Variants in RGS22 observed in about 807,000 individuals in gnomAD.
RGS22 encodes the protein regulator of G protein signaling 22, also known as regulator of G-protein signaling 22.
Under a neutral mutation model 172.9 loss-of-function variants are expected in RGS22, and 148 were observed. The ratio of observed to expected loss-of-function variants is 0.86; its 90% CI spans 0.75 to 0.98. The LOEUF (loss-of-function observed/expected upper bound fraction) is 0.98, where lower values mean the gene tolerates loss of function less well. Ranked by LOEUF, RGS22 falls within the 50% of genes least tolerant of loss-of-function variation. The pLI is 0.00. For missense variants in RGS22, 1,347 were observed against 1,440.8 expected (o/e 0.93, Z 1.05); for synonymous variants, 458 against 480.2 (o/e 0.95, Z 0.60).
intron 13 of RGS22, 109 bp downstream of exon 13, chr8:100,039,853 A>G: frequency 1.7e-6 from 1 of 580,130 alleles, no homozygotes; most frequent in Non-Finnish European, 2.7e-6. Flanking sequence ...CTTATCACAG[A>G]TGGGAATTTT....
intron 18 of RGS22, among the ~76,000 whole-genome samples, 197 bp from the exon 19 acceptor site, chr8:99,999,617 G>A (rs1481566036): frequency 6.6e-6 from 1 of 152,114 alleles, no homozygotes; most frequent in Non-Finnish European, 1.5e-5. Flanking sequence ...TTTATGTGCT[G>A]GTTGTTTTAG....
At chr8:99,964,620 T>C (rs190409565) in intron 24 of RGS22, among the ~76,000 whole-genome samples, 2 of 152,288 alleles carry the variant, frequency 1.3e-5, no homozygotes, top group East Asian at 3.9e-4. Context: ...ATTTGCTAGG[T>C]ATCATATGCT....
intron 23 of RGS22, among the ~76,000 whole-genome samples, chr8:99,976,724 T>C (rs1325434788): frequency 6.6e-6 from 1 of 152,072 alleles, no homozygotes; most frequent in Admixed American, 6.5e-5. Context: ...CTCCTAGATA[T>C]AGGGAGGGTT....
At chr8:100,042,064 C>T (rs1820196730) in intron 11 of RGS22, 148 bp from the exon 12 acceptor site, 1 of 520,956 alleles carries the variant, frequency 1.9e-6, no homozygotes, top group Non-Finnish European at 3.4e-6. Flanking sequence ...AAACATCGTT[C>T]TAGCCCTAAA....
intron 14 of RGS22, among the ~76,000 whole-genome samples, chr8:100,024,952 G>C (rs1818014331): frequency 6.6e-6 from 1 of 152,010 alleles, no homozygotes; most frequent in Non-Finnish European, 1.5e-5. Context: ...TGGTGTTTCA[G>C]AGAAGTTCAG....
chr8:100,017,664 A>G (rs891983152), intron 14 of RGS22, among the ~76,000 whole-genome samples: 6 of 152,208 alleles, frequency 3.9e-5, no homozygotes, highest in Non-Finnish European at 8.8e-5. Flanking sequence ...TTAAAAAGCT[A>G]AACAACACAC....
At chr8:100,093,344 T>A (rs1237764649) in intron 3 of RGS22, 103 bp downstream of exon 3, 18 of 645,790 alleles carry the variant, frequency 2.8e-5, no homozygotes, top group South Asian at 2.7e-4. Flanking sequence ...AATATTTTTT[T>A]AAAAAGCATT....
rs536503467 is a variant in RGS22 at position 100,041,938 on chromosome 8, TA to T, written c.1824-23del. On this transcript the variant is annotated intron_variant, in intron 11 of 27. Transcript: ENST00000360863. ...TGACCTAAATTATAAGGATGAGAAC[TA>T]AAATTATAAGAATGAGAACTAACTG... The T allele has an allele frequency of 5.2e-4, 764 of 1,471,062 alleles. 6 individuals carry two copies. In the South Asian group the frequency reaches 8.3e-3, roughly 16 times the overall value. 91.1% of individuals were successfully genotyped at this position (1,471,062 alleles called of 1,614,324 possible). A position where few individuals can be genotyped will look rare whatever the true frequency, so the allele number is the denominator to read the frequency against.
intron 23 of RGS22, among the ~76,000 whole-genome samples, chr8:99,969,326 G>A (rs1314365681): frequency 1.3e-5 from 2 of 152,148 alleles, no homozygotes; most frequent in Non-Finnish European, 2.9e-5. Flanking sequence ...TGAAGAAACT[G>A]CATCAAGTAA....
At chr8:100,066,739 C>A (rs1472585859) in intron 6 of RGS22, among the ~76,000 whole-genome samples, 1 of 152,140 alleles carries the variant, frequency 6.6e-6, no homozygotes, top group African/African-American at 2.4e-5. Flanking sequence ...ACAACTGCTC[C>A]CCCAGTATGA....
chr8:100,032,751 G>A (rs533866210), intron 14 of RGS22, among the ~76,000 whole-genome samples: 4 of 152,182 alleles, frequency 2.6e-5, no homozygotes, highest in African/African-American at 9.6e-5. Context: ...TTCTAAAATT[G>A]ACCACATAAT....
At chr8:100,043,784 A>C (rs541871147) in intron 11 of RGS22, among the ~76,000 whole-genome samples, 16 of 152,218 alleles carry the variant, frequency 1.1e-4, no homozygotes, top group African/African-American at 3.1e-4. Context: ...AAAAAAAACA[A>C]AAAACAAAAC....
intron 6 of RGS22, among the ~76,000 whole-genome samples, chr8:100,067,148 T>C (rs1810590554): frequency 6.6e-6 from 1 of 152,154 alleles, no homozygotes; most frequent in African/African-American, 2.4e-5. Context: ...GGTCAGCACT[T>C]AGTCTAAGAA....
chr8:99,999,510 T>G, intron 18 of RGS22, 90 bp from the exon 19 acceptor site: 1 of 1,419,754 alleles, frequency 7.0e-7, no homozygotes, highest in Non-Finnish European at 9.6e-7. Flanking sequence ...ACAAAACCAT[T>G]TGCTGCACCC....
At chr8:100,052,338 G>T (rs575183569) in intron 10 of RGS22, among the ~76,000 whole-genome samples, 1 of 142,818 alleles carries the variant, frequency 7.0e-6, no homozygotes, top group Non-Finnish European at 1.5e-5. Context: ...GTCTCGCTCT[G>T]TCCCCCAGGC....
chr8:100,002,966 A>C (rs1815262208), intron 17 of RGS22: 1 of 153,292 alleles, frequency 6.5e-6, no homozygotes, highest in African/African-American at 2.4e-5. Flanking sequence ...AGGCTGAGGC[A>C]TGAGAATCAC....
At chr8:100,105,298 G>T in intron 2 of RGS22, 76 bp downstream of exon 2, 1 of 1,178,314 alleles carries the variant, frequency 8.5e-7, no homozygotes, top group Non-Finnish European at 1.3e-6. Context: ...AAAACACACA[G>T]CTTTCTTCTA....
intron 2 of RGS22, among the ~76,000 whole-genome samples, chr8:100,100,106 C>A (rs1420475075): frequency 6.6e-6 from 1 of 152,110 alleles, no homozygotes; most frequent in Non-Finnish European, 1.5e-5. Flanking sequence ...CAGGACCCCC[C>A]ACAGACACTG....
At chr8:100,104,232 C>T (rs1261872473) in intron 2 of RGS22, among the ~76,000 whole-genome samples, 2 of 152,136 alleles carry the variant, frequency 1.3e-5, no homozygotes, top group Non-Finnish European at 2.9e-5. Context: ...ACAGGAAGAT[C>T]ACCTAAGCCC....
Sources: allele counts gnomAD v4.1 joint callset (sites outside exome capture counted in the v4.1 genomes callset), GRCh38; gene constraint gnomAD v4.1.1; transcripts MANE v1.5; gene names NCBI Gene and HGNC (gene_info 2026-07-23, HGNC 2026-07-21).